DCN: variants seen among roughly 807,000 people sequenced by gnomAD.
The protein encoded by DCN is decorin.
DCN carries 17 observed loss-of-function variants against 36.5 expected under a neutral mutation model. The observed-to-expected ratio is 0.47, with a 90% confidence interval of 0.32 to 0.70. The LOEUF (loss-of-function observed/expected upper bound fraction) is 0.70, where lower values mean the gene tolerates loss of function less well. Ranked by LOEUF, DCN falls within the 30% of genes least tolerant of loss-of-function variation. The pLI is 0.04. For synonymous variants in DCN, 163 were observed against 161.4 expected (o/e 1.01, Z -0.07); for missense variants, 389 against 430.1 (o/e 0.90, Z 0.84).
At chr12:91,161,795 C>G (rs542605216) in intron 3 of DCN, among the ~76,000 whole-genome samples, 4 of 152,324 alleles carry the variant, frequency 2.6e-5, no homozygotes, top group African/African-American at 9.6e-5. Context: ...CTCGCATATT[C>G]TCTCAAAACT....
intron 2 of DCN, among the ~76,000 whole-genome samples, chr12:91,171,895 C>T (rs1194112019): frequency 6.6e-6 from 1 of 152,114 alleles, no homozygotes; most frequent in Non-Finnish European, 1.5e-5. Context: ...GTAAAATTCA[C>T]TCAGCTGTAG....
rs1881437808 is a variant in DCN, at chr12:91,151,723, C to T, written c.816G>A (p.Arg272=). ...GCTTGTTGTTGTCCAAGTGAAGCTC[C>T]CTCAGATGAGGCGTGTTGGCCAGAG... The part of the protein sequence containing the change: ...NGSLANTPHL[R]ELHLDNNKLT... The change falls in exon 7 of 8, where the codon AGG becomes AGA. Residue 272 remains arginine (R), a synonymous_variant. Coordinates refer to ENST00000052754, the MANE Select transcript of DCN (RefSeq NM_001920.5). 6.2e-7 allele frequency: 1 copy of T among 1,614,034 alleles called. No homozygotes were observed. Among genetic ancestry groups the T allele is most frequent in the Non-Finnish European group, 8.5e-7 (1 of 1,179,964 alleles).
At position 91,143,248 on chromosome 12, in the gene DCN, C is replaced by T. The variant is rs1197869120; in HGVS notation, c.*2810G>A. Reference sequence around the variant, plus strand: ...GACACCTTGATTTTGAATTTTTAGCCTCCAGAATTGTGAGAAAGTAAGTTT... The same window carrying T: ...GACACCTTGATTTTGAATTTTTAGCTTCCAGAATTGTGAGAAAGTAAGTTT... On this transcript the variant is annotated 3_prime_UTR_variant, in exon 8 of 8. Coordinates refer to ENST00000052754, the MANE Select transcript of DCN (RefSeq NM_001920.5). 6.6e-6 allele frequency: 1 copy of T among 152,210 alleles called. No homozygotes were observed. Among genetic ancestry groups the T allele is most frequent in the Admixed American group, 6.5e-5 (1 of 15,274 alleles). 9.4% of individuals were successfully genotyped at this position (152,210 alleles called of 1,614,324 possible).
In DCN at chr12:91,157,070, A is replaced by G. The variant is rs1341608514; in HGVS notation, c.652+5T>C. On this transcript the variant is annotated splice_donor_5th_base_variant and intron_variant, in intron 5 of 7. Coordinates refer to ENST00000052754, the MANE Select transcript of DCN (RefSeq NM_001920.5). ...TTCAAAATGTTTTGGAGAATCTTCT[A>G]TCACCTTGAGGAATGCTGGTGATAT... is the stretch of plus-strand genomic sequence containing the variant. 2 of 1,554,298 alleles carry G rather than the reference A, an allele frequency of 1.3e-6. No individual in the cohort carries two copies. The highest frequency in any genetic ancestry group is 1.4e-5 in the African/African-American group (1 of 73,636).
intron 3 of DCN, among the ~76,000 whole-genome samples, chr12:91,164,000 A>G (rs909602113): frequency 6.6e-6 from 1 of 152,222 alleles, no homozygotes; most frequent in Non-Finnish European, 1.5e-5. Flanking sequence ...TTTTATGAAG[A>G]AAATACCTAA....
At chr12:91,172,534 T>C (rs548024925) in intron 2 of DCN, 2 of 351,348 alleles carry the variant, frequency 5.7e-6, no homozygotes, top group African/African-American at 2.2e-5. Flanking sequence ...GCTTCATACA[T>C]AGATGATTCT....
At chr12:91,146,745 C>A (rs1592676151) in intron 7 of DCN, among the ~76,000 whole-genome samples, 1 of 152,186 alleles carries the variant, frequency 6.6e-6, no homozygotes, top group East Asian at 1.9e-4. Flanking sequence ...GTCTTGTCTT[C>A]CCCATCTCAG....
rs960190679 is a variant in DCN, at chr12:91,145,599, G to T, written c.*459C>A. 21 of 180,102 alleles carry T rather than the reference G, an allele frequency of 1.2e-4. No individual in the cohort carries two copies. Among genetic ancestry groups the T allele is most frequent in the Non-Finnish European group, 2.5e-4 (21 of 83,298 alleles). The allele number at this position is 180,102 out of a possible 1,614,324, so 11.2% of individuals were successfully genotyped here. A position where few individuals can be genotyped will look rare whatever the true frequency, so the allele number is the denominator to read the frequency against. On this transcript the variant is annotated 3_prime_UTR_variant, in exon 8 of 8. Transcript: ENST00000052754. ...GTAAAAATTTTACATAGCCTGTATTGAATTCACACATTCAAATGAGGCTTT... is the reference window on the plus strand; with the variant it reads ...GTAAAAATTTTACATAGCCTGTATTTAATTCACACATTCAAATGAGGCTTT...
At chr12:91,179,911 TA>T in intron 1 of DCN, among the ~76,000 whole-genome samples, 1 of 152,132 alleles carries the variant, frequency 6.6e-6, no homozygotes, top group East Asian at 1.9e-4. Context: ...GGGCATTTTG[TA>T]AAAAAACAAG....
intron 2 of DCN, chr12:91,175,727 A>G (rs1883250104): frequency 6.6e-6 from 1 of 152,156 alleles, no homozygotes; most frequent in Non-Finnish European, 1.5e-5. Flanking sequence ...ACAGATAAGC[A>G]TTAACATTTG....
rs756154600 is a variant in DCN, at chr12:91,151,756, G to A, written c.783C>T (p.Asp261=). Residue 261 remains aspartate, a synonymous_variant, in exon 7 of 8, where the codon GAC becomes GAT. Coordinates refer to ENST00000052754, the MANE Select transcript of DCN (RefSeq NM_001920.5). The part of the protein sequence containing the change: ...GLSFNSISAV[D]NGSLANTPHL... ...GAGGCGTGTTGGCCAGAGAGCCATT[G>A]TCAACAGCAGAGATGCTGTTGAAAC... 2 of 1,614,032 alleles carry A rather than the reference G, an allele frequency of 1.2e-6. No individual in the cohort carries two copies. Among genetic ancestry groups the A allele is most frequent in the South Asian group, 2.2e-5 (2 of 91,086 alleles).
At chr12:91,180,386 A>AAGAAAG (rs1491413414) in intron 1 of DCN, 1 of 150,534 alleles carries the variant, frequency 6.6e-6, no homozygotes, top group African/African-American at 2.4e-5. Context: ...AAGTGAAAGA[A>AAGAAAG]AGAGAGAGAG....
intron 4 of DCN, among the ~76,000 whole-genome samples, chr12:91,157,962 T>C (rs1382953512): frequency 6.6e-6 from 1 of 152,174 alleles, no homozygotes; most frequent in African/African-American, 2.4e-5. Context: ...TTTATGAGTG[T>C]TTAGAATACA....
intron 1 of DCN, among the ~76,000 whole-genome samples, chr12:91,182,235 A>G (rs1449527741): frequency 2.0e-5 from 3 of 152,096 alleles, no homozygotes; most frequent in African/African-American, 7.2e-5. Context: ...TGGGCTTTTA[A>G]AAGTCCTTAA....
intron 1 of DCN, among the ~76,000 whole-genome samples, chr12:91,181,404 C>T (rs905836042): frequency 6.6e-6 from 1 of 151,832 alleles, no homozygotes; most frequent in African/African-American, 2.4e-5. Flanking sequence ...CTTAATTAAT[C>T]AGAAATATAA....
chr12:91,147,610 A>G (rs3138283), intron 7 of DCN, among the ~76,000 whole-genome samples: 5 of 152,172 alleles, frequency 3.3e-5, no homozygotes, highest in East Asian at 1.9e-4. Flanking sequence ...TTGGGTCTAC[A>G]TGAAATATTA....
rs1223814735 is a variant in DCN, at chr12:91,143,654, C to T, written c.*2404G>A. On this transcript the variant is annotated 3_prime_UTR_variant, in exon 8 of 8. Transcript: ENST00000052754. ...CACACACCAATCCATAAGACATGTA[C>T]AATTAATATTCCCATTTTATGGACA... 1.3e-5 allele frequency: 2 copies of T among 151,790 alleles called. No homozygotes were observed. Among genetic ancestry groups the T allele is most frequent in the Non-Finnish European group, 2.9e-5 (2 of 67,990 alleles). The allele number at this position is 151,790 out of a possible 1,614,324, so 9.4% of individuals were successfully genotyped here.
In DCN at chr12:91,141,563, C is replaced by A. The variant is rs116850818; in HGVS notation, c.*4495G>T. 2.6e-5 allele frequency: 4 copies of A among 152,178 alleles called. No homozygotes were observed. The highest frequency in any genetic ancestry group is 6.6e-5 in the Admixed American group (1 of 15,266). 9.4% of individuals were successfully genotyped at this position (152,178 alleles called of 1,614,324 possible). Reference sequence around the variant, plus strand: ...CTGCTTCAGAGGGCAAGGCATTATGCACTGCTGTGTCTCTGCCACTAGAAC... The same window carrying A: ...CTGCTTCAGAGGGCAAGGCATTATGAACTGCTGTGTCTCTGCCACTAGAAC... On this transcript the variant is annotated 3_prime_UTR_variant, in exon 8 of 8. Coordinates refer to ENST00000052754, the MANE Select transcript of DCN (RefSeq NM_001920.5).
rs958949978 is a variant in DCN, at chr12:91,153,270, T to C, written c.653-81A>G. 17 of 819,072 alleles carry C rather than the reference T, an allele frequency of 2.1e-5. No homozygotes were observed. The Admixed American group carries it at 2.6e-4, about 12-fold the overall frequency. The allele number at this position is 819,072 out of a possible 1,614,324, so 50.7% of individuals were successfully genotyped here. The stretch of plus-strand genomic sequence containing the variant: ...TGTGGACAAACTTAAAGAAGACATA[T>C]GCCATCAATTTTCTAAAAGACACAC... On this transcript the variant is annotated intron_variant, in intron 5 of 7. Coordinates refer to ENST00000052754, the MANE Select transcript of DCN (RefSeq NM_001920.5).
Sources: gnomAD v4.1 joint callset for allele counts (sites outside exome capture counted in the v4.1 genomes callset) on GRCh38, gnomAD v4.1.1 for gene constraint, MANE v1.5 for transcripts, NCBI Gene and HGNC (gene_info 2026-07-23, HGNC 2026-07-21) for gene names.